Variants in RINT1 observed in about 807,000 individuals in gnomAD.
RINT1 encodes the protein RAD50-interacting protein 1.
A neutral mutation model predicts 97.7 loss-of-function variants in RINT1; 75 were observed. That is an observed-to-expected ratio of 0.77 (90% CI 0.64 to 0.93). The LOEUF is 0.93. RINT1 is among the 40% of genes least tolerant of loss of function. RINT1 has a pLI of 0.00. For missense variants in RINT1, 892 were observed against 925.2 expected (o/e 0.96, Z 0.47); for synonymous variants, 303 against 326.3 (o/e 0.93, Z 0.77).
intron 2 of RINT1, 27 bp from the exon 3 acceptor site, chr7:105,536,538 T>C (rs766487795): frequency 1.3e-6 from 2 of 1,482,792 alleles, no homozygotes; most frequent in African/African-American, 1.4e-5. Context: ...TTAGTGGCGT[T>C]GAGTAATTGT....
At chr7:105,539,613 G>A (rs972436410) in intron 3 of RINT1, among the ~76,000 whole-genome samples, 9 of 151,972 alleles carry the variant, frequency 5.9e-5, no homozygotes, top group Non-Finnish European at 1.0e-4. Flanking sequence ...GCCCGAAAGT[G>A]GATCTTGGCC....
intron 11 of RINT1, 132 bp downstream of exon 11, chr7:105,555,359 G>T: frequency 3.1e-6 from 2 of 636,248 alleles, no homozygotes; most frequent in East Asian, 2.9e-5. Context: ...ATAATTAAAA[G>T]GTGTAATTAA....
intron 11 of RINT1, among the ~76,000 whole-genome samples, chr7:105,558,118 C>G (rs185077064): frequency 2.8e-4 from 42 of 151,780 alleles, no homozygotes; most frequent in African/African-American, 9.2e-4. Flanking sequence ...AGTTCGAGAC[C>G]AGCCTGGCCA....
At chr7:105,559,593 C>T (rs374739505) in intron 11 of RINT1, among the ~76,000 whole-genome samples, 32 of 147,266 alleles carry the variant, frequency 2.2e-4, no homozygotes, top group African/African-American at 6.6e-4. Flanking sequence ...TGGTGGCGGA[C>T]GCCTATAATC....
At chr7:105,555,752 G>A (rs935586248) in intron 11 of RINT1, among the ~76,000 whole-genome samples, 4 of 152,152 alleles carry the variant, frequency 2.6e-5, no homozygotes, top group Admixed American at 6.6e-5. Context: ...AGGCTGAGAT[G>A]GGAGAATTGC....
At chr7:105,541,329 G>T (rs780512905) in intron 3 of RINT1, among the ~76,000 whole-genome samples, 5 of 142,766 alleles carry the variant, frequency 3.5e-5, no homozygotes, top group Non-Finnish European at 7.7e-5. Flanking sequence ...TAGAGATGGG[G>T]TTTCATCATG....
At chr7:105,557,975 A>G (rs1791257632) in intron 11 of RINT1, among the ~76,000 whole-genome samples, 5 of 152,326 alleles carry the variant, frequency 3.3e-5, no homozygotes, top group Admixed American at 2.6e-4. Flanking sequence ...CAATTATTTC[A>G]TAATATGATT....
chr7:105,540,081 T>C (rs1017255136), intron 3 of RINT1, among the ~76,000 whole-genome samples: 1 of 146,618 alleles, frequency 6.8e-6, no homozygotes, highest in East Asian at 2.0e-4. Flanking sequence ...GCCATTTTCT[T>C]TTTTTTTTTT....
intron 12 of RINT1, 37 bp downstream of exon 12, chr7:105,563,984 T>G: frequency 6.9e-7 from 1 of 1,457,268 alleles, no homozygotes; most frequent in South Asian, 1.2e-5. Context: ...TAACACCAGT[T>G]TGGTAAAAGT....
intron 2 of RINT1, chr7:105,535,616 G>C (rs1562839112): frequency 2.2e-6 from 1 of 453,364 alleles, no homozygotes; most frequent in Non-Finnish European, 4.4e-6. Context: ...GTAGTAGTGA[G>C]ATCATGGCTC....
chr7:105,552,067 A>G (rs1215550954), intron 10 of RINT1, among the ~76,000 whole-genome samples: 1 of 152,136 alleles, frequency 6.6e-6, no homozygotes, highest in Non-Finnish European at 1.5e-5. Flanking sequence ...GACCCTGTCA[A>G]TAAAGTAATC....
In RINT1 at chr7:105,532,973, C is replaced by T. The variant is rs1173478477; in HGVS notation, c.88+104C>T. 5.1e-6 allele frequency: 5 copies of T among 983,400 alleles called. No homozygotes were observed. The South Asian group carries it at 5.2e-5, about 10-fold the overall frequency. The allele number at this position is 983,400 out of a possible 1,614,324, so 60.9% of individuals were successfully genotyped here. A position where few individuals can be genotyped will look rare whatever the true frequency, so the allele number is the denominator to read the frequency against. ...TTTGCCTATCTTTTAGATGCAGTACCGTTTTCTGCACAATATGCTTATATG... is the reference window on the plus strand; with the variant it reads ...TTTGCCTATCTTTTAGATGCAGTACTGTTTTCTGCACAATATGCTTATATG... On this transcript the variant is annotated intron_variant, in intron 2 of 14. Coordinates refer to ENST00000257700, the MANE Select transcript of RINT1 (RefSeq NM_021930.6).
At chr7:105,532,904 C>T (rs769686713) in intron 2 of RINT1, 35 bp downstream of exon 2, 12 of 1,607,836 alleles carry the variant, frequency 7.5e-6, no homozygotes, top group Non-Finnish European at 1.0e-5. Flanking sequence ...CTTTTTCTTC[C>T]CGCCCAAACT....
chr7:105,547,389 G>C (rs1346832634), intron 6 of RINT1, 56 bp downstream of exon 6: 1 of 1,568,024 alleles, frequency 6.4e-7, no homozygotes, highest in East Asian at 2.2e-5. Context: ...GAATGGGTTT[G>C]TGGCTAGAGA....
intron 10 of RINT1, among the ~76,000 whole-genome samples, chr7:105,552,344 A>G (rs1417667458): frequency 2.0e-5 from 3 of 152,194 alleles, no homozygotes; most frequent in African/African-American, 7.2e-5. Flanking sequence ...TATTTTAAAT[A>G]TTGTCTTGAT....
chr7:105,558,942 T>TC (rs1442620801), intron 11 of RINT1, among the ~76,000 whole-genome samples: 7 of 151,052 alleles, frequency 4.6e-5, no homozygotes, highest in Admixed American at 1.3e-4. Context: ...CCTGGGCAAC[T>TC]CCCCCCGCCA....
chr7:105,547,120 C>T (rs2133387144), intron 5 of RINT1, 37 bp downstream of exon 5: 1 of 1,612,790 alleles, frequency 6.2e-7, no homozygotes, highest in Non-Finnish European at 8.5e-7. Flanking sequence ...TAATTGCTTT[C>T]CGATGGGTAT....
intron 10 of RINT1, among the ~76,000 whole-genome samples, chr7:105,554,510 C>T (rs1353779789): frequency 6.7e-6 from 1 of 149,706 alleles, no homozygotes; most frequent in African/African-American, 2.5e-5. Context: ...GCCATGTTGG[C>T]TCACTGCAAC....
Position 105,537,798 on chromosome 7 carries a change from C to T in RINT1, c.273+1049C>T, listed in dbSNP as rs543923208. Among the ~76,000 whole-genome samples the T allele has an allele frequency of 3.3e-5, 5 of 151,760 alleles. No individual in the cohort carries two copies. In the South Asian group the frequency reaches 8.4e-4, roughly 25 times the overall value. ...TTGCTGTGAGCTGAGATCATGCCAT[C>T]GCACTCCAGCCGGGGCAACAAAAGT... On this transcript the variant is annotated intron_variant, in intron 3 of 14. Transcript: ENST00000257700.
Sources: gnomAD v4.1 joint callset for allele counts (sites outside exome capture counted in the v4.1 genomes callset) on GRCh38, gnomAD v4.1.1 for gene constraint, MANE v1.5 for transcripts, NCBI Gene and HGNC (gene_info 2026-07-23, HGNC 2026-07-21) for gene names.